The following MBTPS1 variants were observed in gnomAD, a reference collection of about 807,000 sequenced individuals.
MBTPS1 encodes membrane-bound transcription factor site-1 protease.
In MBTPS1, 94 loss-of-function variants were observed where a neutral mutation model predicts 127.8. The observed-to-expected ratio is 0.74, with a 90% CI of 0.62 to 0.87. MBTPS1 has a LOEUF of 0.87. Ranked by LOEUF, MBTPS1 falls within the 40% of genes least tolerant of loss-of-function variation. MBTPS1 has a pLI of 0.00. For synonymous variants in MBTPS1, 632 were observed against 509.4 expected (o/e 1.24, Z -3.24); for missense variants, 1,636 against 1,353.2 (o/e 1.21, Z -3.28).
At chr16:84,109,490 C>T (rs936176998) in intron 1 of MBTPS1, 2 of 152,110 alleles carry the variant, frequency 1.3e-5, no homozygotes, top group African/African-American at 4.8e-5. Context: ...CCAAGGGAAG[C>T]AGTAATGGGA....
chr16:84,098,998 T>A, intron 3 of MBTPS1, 55 bp downstream of exon 3: 1 of 1,513,998 alleles, frequency 6.6e-7, no homozygotes, highest in Admixed American at 1.9e-5. Context: ...CTCTGCAGTT[T>A]GAGATTTTCA....
chr16:84,055,996 A>C lies in MBTPS1; in HGVS notation c.2962+9T>G. The C allele has an allele frequency of 6.2e-7, 1 of 1,608,948 alleles. No individual in the cohort carries two copies. The highest frequency in any genetic ancestry group is 8.5e-7 in the Non-Finnish European group (1 of 1,176,750). On this transcript the variant is annotated intron_variant, in intron 22 of 22. Coordinates refer to ENST00000343411, the MANE Select transcript of MBTPS1 (RefSeq NM_003791.4). The stretch of plus-strand genomic sequence containing the variant: ...ACTGAGCACAATCACAAAGCAGCCG[A>C]GAACTCACCTCCAGGAATGTCCCAG...
chr16:84,059,373 T>C lies in MBTPS1; in HGVS notation c.2760A>G (p.Lys920=), dbSNP rs1275999702. Reference sequence around the variant, plus strand: ...GTGGACAGGCTGGTAGAGGCCGAGGTTTTGGGTCTCCCAAATGGGCCTCCA... The same window carrying C: ...GTGGACAGGCTGGTAGAGGCCGAGGCTTTGGGTCTCCCAAATGGGCCTCCA... The part of the protein sequence containing the change: ...KVLEAHLGDP[K]PRPLPACPRL... Residue 920 remains lysine (K), a synonymous_variant, in exon 21 of 23, where the codon AAA becomes AAG. Transcript: ENST00000343411. 1 of 1,614,026 alleles carries C rather than the reference T, an allele frequency of 6.2e-7. No homozygotes were observed. Among genetic ancestry groups the C allele is most frequent in the East Asian group, 2.2e-5 (1 of 44,884 alleles).
rs963056891 is a variant in MBTPS1 at position 84,103,257 on chromosome 16, T to A, written c.-324-1150A>T. Among the ~76,000 whole-genome samples the A allele has an allele frequency of 1.0e-4, 14 of 137,912 alleles. No individual in the cohort carries two copies. In the South Asian group the frequency reaches 1.3e-3, roughly 13 times the overall value. 90.5% of individuals were successfully genotyped at this position (137,912 alleles called of 152,430 possible). On this transcript the variant is annotated intron_variant, in intron 1 of 22. Coordinates refer to ENST00000343411, the MANE Select transcript of MBTPS1 (RefSeq NM_003791.4). ...ACTTAGGATTTTATTATTATTATTA[T>A]TTTTTTTTTTTTTTTGAGGAAGGGT...
chr16:84,101,426 G>A (rs1597348310), intron 2 of MBTPS1, among the ~76,000 whole-genome samples, 195 bp downstream of exon 2: 1 of 151,684 alleles, frequency 6.6e-6, no homozygotes, highest in South Asian at 2.1e-4. Flanking sequence ...AGGAGGTGGA[G>A]GTTACAGTGA....
chr16:84,060,916 C>G, intron 19 of MBTPS1, 103 bp from the exon 20 acceptor site: 2 of 1,136,172 alleles, frequency 1.8e-6, no homozygotes, highest in Non-Finnish European at 1.2e-6. Flanking sequence ...TCACTGCAGC[C>G]TTGAGCTCCT....
At chr16:84,068,641 G>A (rs561932071) in intron 14 of MBTPS1, among the ~76,000 whole-genome samples, 187 bp from the exon 15 acceptor site, 10 of 152,206 alleles carry the variant, frequency 6.6e-5, no homozygotes, top group Non-Finnish European at 7.3e-5. Flanking sequence ...ACACGGAAAT[G>A]GCTGATAAGA....
chr16:84,090,955 C>T lies in MBTPS1; in HGVS notation c.964-13G>A. ...TTAATTCCCACACCTACAAAAGGAGCATTTATTTAATGAAAGTATCCCTTT... is the reference window on the plus strand; with the variant it reads ...TTAATTCCCACACCTACAAAAGGAGTATTTATTTAATGAAAGTATCCCTTT... On this transcript the variant is annotated splice_polypyrimidine_tract_variant and intron_variant, in intron 7 of 22. Coordinates refer to ENST00000343411, the MANE Select transcript of MBTPS1 (RefSeq NM_003791.4). The T allele has an allele frequency of 6.5e-7, 1 of 1,545,338 alleles. No individual in the cohort carries two copies. The highest frequency in any genetic ancestry group is 8.9e-7 in the Non-Finnish European group (1 of 1,124,492).
rs1330819308 is a variant in MBTPS1 at position 84,067,230 on chromosome 16, A to T, written c.2228+437T>A. On this transcript the variant is annotated intron_variant, in intron 16 of 22. Coordinates refer to ENST00000343411, the MANE Select transcript of MBTPS1 (RefSeq NM_003791.4). ...TTAAACCTGAAGTATCTCATATCTAAGATTAACAAGGAAAGACAATGAACC... is the reference window on the plus strand; with the variant it reads ...TTAAACCTGAAGTATCTCATATCTATGATTAACAAGGAAAGACAATGAACC... Among the ~76,000 whole-genome samples, 5 of 152,256 alleles carry T rather than the reference A, an allele frequency of 3.3e-5. No individual in the cohort carries two copies. In the East Asian group the frequency reaches 9.6e-4, roughly 29 times the overall value.
chr16:84,077,227 T>G (rs1323000198), intron 11 of MBTPS1, among the ~76,000 whole-genome samples: 5 of 37,876 alleles, frequency 1.3e-4, no homozygotes, highest in Non-Finnish European at 2.2e-4. Context: ...CCTGCTGCAT[T>G]AAAAAAGAAA....
At chr16:84,066,851 C>T (rs543601904) in intron 16 of MBTPS1, among the ~76,000 whole-genome samples, 11 of 152,154 alleles carry the variant, frequency 7.2e-5, no homozygotes, top group Admixed American at 2.0e-4. Flanking sequence ...AGTACTTTAC[C>T]GAAATGCACC....
chr16:84,085,218 G>C, intron 9 of MBTPS1, 84 bp from the exon 10 acceptor site: 1 of 1,342,924 alleles, frequency 7.4e-7, no homozygotes, highest in Admixed American at 1.9e-5. Context: ...AATCAGAACA[G>C]AGATATGGGT....
At position 84,103,241 on chromosome 16, in the gene MBTPS1, TTTA is replaced by T. The variant is rs200635664; in HGVS notation, c.-324-1137_-324-1135del. On this transcript the variant is annotated intron_variant, in intron 1 of 22. Coordinates refer to ENST00000343411, the MANE Select transcript of MBTPS1 (RefSeq NM_003791.4). ...GAGGCCTTCCAGTGCTACTTAGGAT[TTTA>T]TTATTATTATTATTTTTTTTTTTTT... Among the ~76,000 whole-genome samples, 206 of 149,560 alleles carry T rather than the reference TTTA, an allele frequency of 1.4e-3. 5 individuals are homozygous for T. The highest frequency in any genetic ancestry group is 2.0e-3 in the East Asian group (10 of 5,124).
At chr16:84,096,513 AG>A (rs758247969) in intron 3 of MBTPS1, among the ~76,000 whole-genome samples, 81 of 152,372 alleles carry the variant, frequency 5.3e-4, no homozygotes, top group Non-Finnish European at 9.8e-4. Flanking sequence ...CGGAGGAAAA[AG>A]GCAGTACCAC....
chr16:84,068,485 G>T, intron 14 of MBTPS1, 31 bp from the exon 15 acceptor site: 1 of 1,456,844 alleles, frequency 6.9e-7, no homozygotes, highest in Non-Finnish European at 9.6e-7. Flanking sequence ...GCATTAAAAT[G>T]ATCGATCTTT....
chr16:84,114,213 G>A (rs1409764202), intron 1 of MBTPS1, among the ~76,000 whole-genome samples: 2 of 151,824 alleles, frequency 1.3e-5, no homozygotes, highest in African/African-American at 2.4e-5. Flanking sequence ...TGCCCGCCTC[G>A]GCCTCCCAAA....
chr16:84,068,599 A>G, intron 14 of MBTPS1, 145 bp from the exon 15 acceptor site: 1 of 632,992 alleles, frequency 1.6e-6, no homozygotes, highest in Non-Finnish European at 2.8e-6. Flanking sequence ...CACAGGCATC[A>G]GCTTAGGAGA....
rs1455374764 is a variant in MBTPS1 at position 84,065,709 on chromosome 16, T to G, written c.2412A>C (p.Thr804=). ...AKFPEDGVVI[T]QTFKDQGLEV... ...CTTTACCTTGGTCCTTGAAAGTCTG[T>G]GTTATCACGACGCCATCTTCTGGAA... The change falls in exon 18 of 23, where the codon ACA becomes ACC. Residue 804 remains threonine, a synonymous_variant. Coordinates refer to ENST00000343411, the MANE Select transcript of MBTPS1 (RefSeq NM_003791.4). 1.2e-6 allele frequency: 2 copies of G among 1,612,612 alleles called. No homozygotes were observed. The highest frequency in any genetic ancestry group is 2.7e-5 in the African/African-American group (2 of 74,826).
intron 11 of MBTPS1, among the ~76,000 whole-genome samples, chr16:84,077,249 A>AAGAGAGAG (rs1555510713): frequency 7.2e-6 from 1 of 138,784 alleles, no homozygotes; most frequent in Non-Finnish European, 1.5e-5. Flanking sequence ...AAAAAAAAAA[A>AAGAGAGAG]AGAGAGAGAG....
Sources: allele counts gnomAD v4.1 joint callset (sites outside exome capture counted in the v4.1 genomes callset), GRCh38; gene constraint gnomAD v4.1.1; transcripts MANE v1.5; gene names NCBI Gene and HGNC (gene_info 2026-07-23, HGNC 2026-07-21).